Variants in MYT1L observed in about 807,000 individuals in gnomAD.
The protein encoded by MYT1L is myelin transcription factor 1 like.
MYT1L carries 12 observed loss-of-function variants against 126.7 expected under a neutral mutation model. The observed-to-expected ratio is 0.09, with a 90% CI of 0.06 to 0.15. The LOEUF (loss-of-function observed/expected upper bound fraction) is 0.15, where lower values mean the gene tolerates loss of function less well. Ranked by LOEUF, MYT1L falls within the 10% of genes least tolerant of loss-of-function variation. The pLI is 1.00. For missense variants in MYT1L, 979 were observed against 1,585.2 expected (o/e 0.62, Z 6.49); for synonymous variants, 541 against 604.2 (o/e 0.90, Z 1.53).
chr2:2,228,052 C>T lies in MYT1L; in HGVS notation c.-420-55064G>A, dbSNP rs376317584. Among the ~76,000 whole-genome samples, 50 of 152,294 alleles carry T rather than the reference C, an allele frequency of 3.3e-4. No individual in the cohort carries two copies. Among genetic ancestry groups the T allele is most frequent in the South Asian group, 1.2e-3 (6 of 4,822 alleles). ...TTGCCCAATGTCAAGTAGCTCATAA[C>T]GGCTAGTAAATGCCTAGGGTTGAAT... On this transcript the variant is annotated intron_variant, in intron 2 of 24. Transcript: ENST00000647738. This position sits in a 1 kb window ranked among gnomAD's most constrained non-coding sequence, Gnocchi z 5.9.
chr2:2,141,258 A>G (rs2083932202), intron 3 of MYT1L, among the ~76,000 whole-genome samples: 1 of 152,222 alleles, frequency 6.6e-6, no homozygotes, highest in African/African-American at 2.4e-5. Flanking sequence ...GGGATCCCAC[A>G]GGTAAACCCT....
chr2:1,964,820 C>A (rs1248108535), intron 8 of MYT1L, among the ~76,000 whole-genome samples: 1 of 152,154 alleles, frequency 6.6e-6, no homozygotes, highest in Non-Finnish European at 1.5e-5. Flanking sequence ...GTCTGTGCTT[C>A]CGGAAAGGCT....
chr2:2,012,058 T>C (rs900578625), intron 4 of MYT1L, among the ~76,000 whole-genome samples: 13 of 152,234 alleles, frequency 8.5e-5, no homozygotes, highest in African/African-American at 3.1e-4. Flanking sequence ...CGAGTCACTA[T>C]GTGACCCAGA....
intron 1 of MYT1L, among the ~76,000 whole-genome samples, chr2:2,304,701 G>A (rs1471979058): frequency 2.0e-5 from 3 of 152,184 alleles, no homozygotes; most frequent in Non-Finnish European, 1.5e-5. Context: ...AATGGCCATG[G>A]CTGCTTCAGA....
chr2:2,034,152 A>C (rs1236097034), intron 4 of MYT1L, among the ~76,000 whole-genome samples: 1 of 152,192 alleles, frequency 6.6e-6, no homozygotes, highest in Non-Finnish European at 1.5e-5. Flanking sequence ...GGGACATTGA[A>C]GGGAAAGGAG....
At chr2:1,939,664 T>G (rs1380273426) in intron 9 of MYT1L, among the ~76,000 whole-genome samples, 1 of 152,214 alleles carries the variant, frequency 6.6e-6, no homozygotes, top group Non-Finnish European at 1.5e-5. Context: ...TTTAATACAT[T>G]AAACGTAACT....
At chr2:1,869,302 C>T (rs1383984511) in intron 18 of MYT1L, among the ~76,000 whole-genome samples, 6 of 152,238 alleles carry the variant, frequency 3.9e-5, no homozygotes, top group Non-Finnish European at 7.3e-5. Context: ...CTGGACATTT[C>T]ATCTAAGAAA....
intron 18 of MYT1L, among the ~76,000 whole-genome samples, chr2:1,876,207 A>G (rs1303652708): frequency 6.6e-6 from 1 of 152,148 alleles, no homozygotes; most frequent in Non-Finnish European, 1.5e-5. Context: ...AGTTATTTTA[A>G]TTCCCAGAAA....
At chr2:2,107,824 G>T (rs1011127616) in intron 3 of MYT1L, among the ~76,000 whole-genome samples, 1 of 152,102 alleles carries the variant, frequency 6.6e-6, no homozygotes, top group East Asian at 1.9e-4. Context: ...GAATAGGCGC[G>T]TGCACCCAGA....
intron 3 of MYT1L, among the ~76,000 whole-genome samples, chr2:2,161,083 T>A (rs1224863046): frequency 6.6e-6 from 1 of 151,806 alleles, no homozygotes; most frequent in Non-Finnish European, 1.5e-5. Flanking sequence ...TAGCCAGGCA[T>A]GGTGGTGCGT....
At position 2,294,551 on chromosome 2, in the gene MYT1L, C is replaced by T. The variant is rs141868603; in HGVS notation, c.-520-10048G>A. 4.1e-4 allele frequency among the ~76,000 whole-genome samples: 63 copies of T among 151,946 alleles called. No individual in the cohort carries two copies. In the East Asian group the frequency reaches 9.9e-3, roughly 24 times the overall value. The stretch of plus-strand genomic sequence containing the variant: ...CACATGCTGGAGACTGCATTGCATT[C>T]GAGATATGAACGGAAGGAGGAAAGA... On this transcript the variant is annotated intron_variant, in intron 1 of 24. Transcript: ENST00000647738.
chr2:1,908,531 G>A (rs1161361970), intron 13 of MYT1L, among the ~76,000 whole-genome samples: 2 of 152,348 alleles, frequency 1.3e-5, no homozygotes, highest in Non-Finnish European at 2.9e-5. Context: ...CCAGCTTCTT[G>A]GGGGTCTGGC....
intron 2 of MYT1L, among the ~76,000 whole-genome samples, chr2:2,278,762 C>T (rs1446775592): frequency 6.6e-6 from 1 of 152,088 alleles, no homozygotes; most frequent in African/African-American, 2.4e-5. Flanking sequence ...TTATATTTTT[C>T]CTGGCTATAT....
intron 4 of MYT1L, among the ~76,000 whole-genome samples, chr2:2,016,021 C>T (rs937842830): frequency 1.3e-5 from 2 of 152,206 alleles, no homozygotes; most frequent in Non-Finnish European, 2.9e-5. Context: ...GGACACACAC[C>T]ATCCACTGTT....
At chr2:2,023,654 T>A (rs1242404825) in intron 4 of MYT1L, among the ~76,000 whole-genome samples, 1 of 150,538 alleles carries the variant, frequency 6.6e-6, no homozygotes, top group Non-Finnish European at 1.5e-5. Flanking sequence ...CATAGAGGAC[T>A]GAATAGTTGG....
chr2:2,170,253 C>T lies in MYT1L; in HGVS notation c.-304+2619G>A, dbSNP rs151260462. Reference sequence around the variant, plus strand: ...ACTGTGGCTATTTCAGAACTGGGAACTTAAGTCTTCACCATGGGTTGACAA... The same window carrying T: ...ACTGTGGCTATTTCAGAACTGGGAATTTAAGTCTTCACCATGGGTTGACAA... On this transcript the variant is annotated intron_variant, in intron 3 of 24. Transcript: ENST00000647738. 5.6e-3 allele frequency among the ~76,000 whole-genome samples: 846 copies of T among 152,352 alleles called. 3 individuals carry two copies. The highest frequency in any genetic ancestry group is 0.014 in the Middle Eastern group (4 of 294).
intron 3 of MYT1L, among the ~76,000 whole-genome samples, chr2:2,152,180 C>G (rs899654184): frequency 6.6e-6 from 1 of 152,220 alleles, no homozygotes; most frequent in Non-Finnish European, 1.5e-5. Context: ...ACAAGTGCTG[C>G]GACACTGTGA....
intron 4 of MYT1L, among the ~76,000 whole-genome samples, chr2:2,015,875 C>T (rs1351117600): frequency 6.6e-5 from 10 of 152,148 alleles, no homozygotes; most frequent in Non-Finnish European, 1.2e-4. Context: ...AGTGAGATTC[C>T]GGCAAGCATT....
chr2:2,309,370 C>T (rs983251698), intron 1 of MYT1L, among the ~76,000 whole-genome samples: 2 of 151,876 alleles, frequency 1.3e-5, no homozygotes, highest in African/African-American at 4.8e-5. Flanking sequence ...TCTCCATCTA[C>T]ACTTCAGTAT....
Sources: allele counts gnomAD v4.1 joint callset (sites outside exome capture counted in the v4.1 genomes callset), GRCh38; gene constraint gnomAD v4.1.1; non-coding constraint Gnocchi (gnomAD v3.1); transcripts MANE v1.5; gene names NCBI Gene and HGNC (gene_info 2026-07-23, HGNC 2026-07-21).